The following SEC23B variants were observed in gnomAD, a reference collection of about 807,000 sequenced individuals.
SEC23B encodes the protein SEC23 homolog B, COPII component, also known as protein transport protein Sec23B.
A neutral mutation model predicts 104.3 loss-of-function variants in SEC23B; 77 were observed. That is an observed-to-expected ratio of 0.74 (90% CI 0.61 to 0.89). SEC23B has a LOEUF of 0.89. Ranked by LOEUF, SEC23B falls within the 40% of genes least tolerant of loss-of-function variation. SEC23B has a pLI of 0.00. For missense variants in SEC23B, 885 were observed against 949.4 expected (o/e 0.93, Z 0.89); for synonymous variants, 338 against 332.5 (o/e 1.02, Z -0.18).
chr20:18,532,666 C>G lies in SEC23B; in HGVS notation c.1236C>G (p.Thr412=), dbSNP rs1342817176. The change falls in exon 11 of 20, where the codon ACC becomes ACG. Residue 412 remains threonine, a splice_region_variant and synonymous_variant. Transcript: ENST00000650089. ...ACACTGTCACATATTTGTTATAGAC[C>G]TCTCGGGAACTGAAGATTGCAGGAG... The part of the protein sequence containing the change: ...MAFGATLDVK[T]SRELKIAGAI... The G allele has an allele frequency of 1.2e-6, 2 of 1,611,030 alleles. No individual in the cohort carries two copies. Among genetic ancestry groups the G allele is most frequent in the Non-Finnish European group, 1.7e-6 (2 of 1,177,346 alleles).
Position 18,512,206 on chromosome 20 carries a change from ATATT to A in SEC23B, c.222-15_222-12del. ...AAAATAAAAGTGGTACCTACTTATA[ATATT>A]TATCTTTCTCACAGTCAGGTTGATT... On this transcript the variant is annotated splice_polypyrimidine_tract_variant and intron_variant, in intron 2 of 19. Coordinates refer to ENST00000650089, the MANE Select transcript of SEC23B (RefSeq NM_006363.6). 1 of 1,518,824 alleles carries A rather than the reference ATATT, an allele frequency of 6.6e-7. No individual in the cohort carries two copies. The highest frequency in any genetic ancestry group is 9.1e-7 in the Non-Finnish European group (1 of 1,101,320). 94.1% of individuals were successfully genotyped at this position (1,518,824 alleles called of 1,614,324 possible).
In SEC23B at chr20:18,555,181, A is replaced by G. The variant is rs773750481; in HGVS notation, c.2214+8A>G. 1.2e-6 allele frequency: 2 copies of G among 1,607,874 alleles called. No individual in the cohort carries two copies. The highest frequency in any genetic ancestry group is 2.7e-5 in the African/African-American group (2 of 74,756). ...CTGTATGCTTGGGGACAGGTAAGAA[A>G]TCTTCAGGTATTTGGGGAGGATGCT... On this transcript the variant is annotated splice_region_variant and intron_variant, in intron 19 of 19. Coordinates refer to ENST00000650089, the MANE Select transcript of SEC23B (RefSeq NM_006363.6).
At chr20:18,509,833 A>C (rs942705082) in intron 1 of SEC23B, 1 of 152,162 alleles carries the variant, frequency 6.6e-6, no homozygotes, top group African/African-American at 2.4e-5. Flanking sequence ...TGATCCGCCC[A>C]TCTCAGCCTC....
In SEC23B at chr20:18,557,435, T is replaced by A. The variant is rs188230224; in HGVS notation, c.2214+2262T>A. ...GATTATAGGCATGAGCCACCACACC[T>A]GGCCAGGCCCTAGGTATTACATCAT... On this transcript the variant is annotated intron_variant, in intron 19 of 19. Transcript: ENST00000650089. Among the ~76,000 whole-genome samples the A allele has an allele frequency of 1.9e-4, 29 of 152,224 alleles. 1 individual carries two copies. Among genetic ancestry groups the A allele is most frequent in the African/African-American group, 6.7e-4 (28 of 41,556 alleles).
intron 18 of SEC23B, 97 bp downstream of exon 18, chr20:18,554,487 G>C: frequency 3.6e-6 from 5 of 1,383,164 alleles, no homozygotes; most frequent in Non-Finnish European, 5.1e-6. Context: ...TTTATGTGAT[G>C]ACATAAATTG....
chr20:18,560,940 A>G lies in SEC23B; in HGVS notation c.*200A>G, dbSNP rs1425975377. ...GCACTATAAAATTATAAGGTCATAA[A>G]TGTTTTGGTACTTGTAGATGTTTAT... is the stretch of plus-strand genomic sequence containing the variant. On this transcript the variant is annotated 3_prime_UTR_variant, in exon 20 of 20. Transcript: ENST00000650089. The G allele has an allele frequency of 3.5e-6, 2 of 574,988 alleles. No individual in the cohort carries two copies. Among genetic ancestry groups the G allele is most frequent in the East Asian group, 3.0e-5 (1 of 33,078 alleles). 35.6% of individuals were successfully genotyped at this position (574,988 alleles called of 1,614,324 possible). A position where few individuals can be genotyped will look rare whatever the true frequency, so the allele number is the denominator to read the frequency against.
rs761819502 is a variant in SEC23B at position 18,560,756 on chromosome 20, A to G, written c.*16A>G. 79 of 1,586,698 alleles carry G rather than the reference A, an allele frequency of 5.0e-5. No individual in the cohort carries two copies. Among genetic ancestry groups the G allele is most frequent in the African/African-American group, 1.5e-4 (11 of 74,328 alleles). ...TGCCTGTTAAGCTGAGGATACAACC[A>G]GGAAATGCAACGGTGTCAGATTGTG... On this transcript the variant is annotated 3_prime_UTR_variant, in exon 20 of 20. Coordinates refer to ENST00000650089, the MANE Select transcript of SEC23B (RefSeq NM_006363.6).
In SEC23B at chr20:18,524,594, T is replaced by C; in HGVS notation, c.528T>C (p.His176=). 3 of 1,611,174 alleles carry C rather than the reference T, an allele frequency of 1.9e-6. No homozygotes were observed. The highest frequency in any genetic ancestry group is 2.5e-6 in the Non-Finnish European group (3 of 1,177,316). ...CATTTGGAAGGATGGTGCAGGTTCA[T>C]GAGCTAAGCTGTGAAGGAATCTCCA... ...LITFGRMVQV[H]ELSCEGISKS... Residue 176 remains histidine (H), a synonymous_variant, in exon 5 of 20, where the codon CAT becomes CAC. Coordinates refer to ENST00000650089, the MANE Select transcript of SEC23B (RefSeq NM_006363.6).
intron 4 of SEC23B, among the ~76,000 whole-genome samples, chr20:18,523,546 GTGAACCCCACTACGCCTGGCTAATTT>G (rs946084171): frequency 2.0e-5 from 3 of 151,598 alleles, no homozygotes; most frequent in Non-Finnish European, 2.9e-5. Flanking sequence ...GGGATTACAG[GTGAACCCCACTACGCCTGGCTAATTT>G]TTGTATTTTT....
chr20:18,518,595 T>G (rs1437794907), intron 4 of SEC23B, among the ~76,000 whole-genome samples: 1 of 145,722 alleles, frequency 6.9e-6, no homozygotes, highest in East Asian at 2.0e-4. Flanking sequence ...TTTTTTTTTT[T>G]TTTTTTTTTT....
chr20:18,516,994 ATAT>A (rs2060035103), intron 4 of SEC23B, among the ~76,000 whole-genome samples: 1 of 152,232 alleles, frequency 6.6e-6, no homozygotes. Context: ...CATCTTCACA[ATAT>A]TAAGTCTTAC....
intron 4 of SEC23B, among the ~76,000 whole-genome samples, chr20:18,520,669 G>A (rs1014159570): frequency 6.6e-6 from 1 of 152,118 alleles, no homozygotes; most frequent in African/African-American, 2.4e-5. Context: ...AGGTTTAGCA[G>A]CCTGGCCGTC....
chr20:18,536,412 G>A (rs919186002), intron 12 of SEC23B, among the ~76,000 whole-genome samples: 1 of 152,224 alleles, frequency 6.6e-6, no homozygotes, highest in African/African-American at 2.4e-5. Flanking sequence ...ACATATAACG[G>A]CCGGGTGCTG....
intron 8 of SEC23B, 113 bp from the exon 9 acceptor site, chr20:18,527,381 AAG>A (rs2060143108): frequency 2.6e-6 from 2 of 774,102 alleles, no homozygotes; most frequent in Admixed American, 1.7e-5. Context: ...CTGTCACAAA[AAG>A]AGAAAAGAAA....
At chr20:18,523,087 T>C (rs2060099106) in intron 4 of SEC23B, among the ~76,000 whole-genome samples, 1 of 132,246 alleles carries the variant, frequency 7.6e-6, no homozygotes, top group African/African-American at 2.7e-5. Flanking sequence ...GAAAAAAAAA[T>C]CATGTTACTT....
At chr20:18,508,662 G>T (rs373255328) in intron 1 of SEC23B, among the ~76,000 whole-genome samples, 3 of 151,618 alleles carry the variant, frequency 2.0e-5, no homozygotes, top group Non-Finnish European at 4.4e-5. Flanking sequence ...GAAAAGGAGG[G>T]AGCAGGTCTT....
intron 17 of SEC23B, among the ~76,000 whole-genome samples, chr20:18,552,441 C>T (rs997401001): frequency 3.9e-5 from 6 of 152,138 alleles, no homozygotes; most frequent in African/African-American, 7.2e-5. Flanking sequence ...TCTGTATCCA[C>T]GGGTTCCACC....
chr20:18,539,616 C>T (rs1325527343), intron 12 of SEC23B, among the ~76,000 whole-genome samples: 2 of 148,394 alleles, frequency 1.3e-5, no homozygotes, highest in Admixed American at 6.8e-5. Context: ...GGATTACAGG[C>T]GTGAGCCACC....
At chr20:18,548,535 G>A in intron 15 of SEC23B, 74 bp from the exon 16 acceptor site, 1 of 1,455,098 alleles carries the variant, frequency 6.9e-7, no homozygotes, top group African/African-American at 1.4e-5. Flanking sequence ...AGAGCCCTGA[G>A]GTAGATCTAC....
Sources: allele counts gnomAD v4.1 joint callset (sites outside exome capture counted in the v4.1 genomes callset), GRCh38; gene constraint gnomAD v4.1.1; transcripts MANE v1.5; gene names NCBI Gene and HGNC (gene_info 2026-07-23, HGNC 2026-07-21).